Variants in PDE1C observed in about 807,000 individuals in gnomAD.
PDE1C encodes phosphodiesterase 1C.
A neutral mutation model predicts 93.1 loss-of-function variants in PDE1C; 62 were observed. The observed-to-expected ratio is 0.67, with a 90% CI of 0.54 to 0.82. The LOEUF (loss-of-function observed/expected upper bound fraction) is 0.82, where lower values mean the gene tolerates loss of function less well. Among genes scored for constraint, PDE1C ranks in the 40% least tolerant of loss-of-function variants. The probability of loss-of-function intolerance (pLI) is 0.00; values close to 1 mark genes in which losing one functional copy is unlikely to be tolerated. For synonymous variants in PDE1C, 325 were observed against 310.1 expected, an observed-to-expected ratio of 1.05 and a Z score of -0.50; for missense variants, 742 against 884.6, an observed-to-expected ratio of 0.84 and a Z score of 2.04.
At chr7:32,216,187 G>A (rs1037610303) in intron 1 of PDE1C, among the ~76,000 whole-genome samples, 3 of 152,136 alleles carry the variant, frequency 2.0e-5, no homozygotes, top group Non-Finnish European at 4.4e-5. Context: ...AGGAGACTTG[G>A]TGCAAAATCA....
At chr7:32,098,473 A>G (rs1020412333) in intron 3 of PDE1C, among the ~76,000 whole-genome samples, 1 of 152,138 alleles carries the variant, frequency 6.6e-6, no homozygotes, top group Non-Finnish European at 1.5e-5. Context: ...ATCCCTGCTC[A>G]TGGATTTTAT....
In PDE1C at chr7:31,941,951, G is replaced by A. The variant is rs575907250; in HGVS notation, c.129-61091C>T. Among the ~76,000 whole-genome samples the A allele has an allele frequency of 2.0e-5, 3 of 152,280 alleles. No homozygotes were observed. The East Asian group carries it at 5.8e-4, about 29-fold the overall frequency. ...TTGATTCAATTATACAATAAATACT[G>A]TAGGGATATTTTTAAGCAAAAGATG... On this transcript the variant is annotated intron_variant, in intron 2 of 17. Coordinates refer to ENST00000396191, the MANE Select transcript of PDE1C (RefSeq NM_001191057.4).
chr7:31,812,689 T>C (rs1787703561), intron 15 of PDE1C, among the ~76,000 whole-genome samples: 1 of 152,186 alleles, frequency 6.6e-6, no homozygotes, highest in Non-Finnish European at 1.5e-5. Flanking sequence ...GTAGTTGCAA[T>C]AGAGACCTTA....
intron 2 of PDE1C, among the ~76,000 whole-genome samples, chr7:32,025,096 G>T (rs906268531): frequency 1.3e-5 from 2 of 152,054 alleles, no homozygotes; most frequent in Admixed American, 6.6e-5. Context: ...CCTTCATGCC[G>T]ACCCCCAGGG....
the PDE1C span, among the ~76,000 whole-genome samples, chr7:31,710,949 T>C: frequency 6.6e-6 from 1 of 152,198 alleles, no homozygotes; most frequent in Non-Finnish European, 1.5e-5. Context: ...CAATGTGTTA[T>C]TTGAAATGAG....
chr7:32,095,792 A>G (rs1428298319), intron 3 of PDE1C, among the ~76,000 whole-genome samples: 1 of 152,170 alleles, frequency 6.6e-6, no homozygotes, highest in Admixed American at 6.5e-5. Context: ...CGATGTGAAT[A>G]TACTGTCCAG....
the PDE1C span, among the ~76,000 whole-genome samples, chr7:31,687,912 T>C: frequency 6.6e-6 from 1 of 152,220 alleles, no homozygotes; most frequent in Non-Finnish European, 1.5e-5. Flanking sequence ...GAATACCGTA[T>C]GGTAAGCTAA....
At chr7:31,942,357 A>T (rs1805971962) in intron 2 of PDE1C, among the ~76,000 whole-genome samples, 1 of 152,142 alleles carries the variant, frequency 6.6e-6, no homozygotes, top group South Asian at 2.1e-4. Context: ...GCCTTTTATC[A>T]TCACTCAGCT....
intron 2 of PDE1C, among the ~76,000 whole-genome samples, chr7:32,022,324 A>C (rs1241461877): frequency 6.6e-6 from 1 of 152,148 alleles, no homozygotes; most frequent in African/African-American, 2.4e-5. Context: ...GAAAGTATTA[A>C]AGGGCCACAG....
chr7:31,739,170 G>A, the PDE1C span, among the ~76,000 whole-genome samples: 14 of 150,136 alleles, frequency 9.3e-5, no homozygotes, highest in East Asian at 4.0e-4. Flanking sequence ...TCACTAAAAC[G>A]TCAGTGATTG....
intron 3 of PDE1C, among the ~76,000 whole-genome samples, chr7:32,085,923 A>G (rs1797042015): frequency 6.7e-6 from 1 of 148,812 alleles, no homozygotes; most frequent in Admixed American, 6.7e-5. Flanking sequence ...AACTGGAAGC[A>G]TTCCCTTTGA....
At position 32,298,015 on chromosome 7, in the gene PDE1C, TC is replaced by T. The variant is rs1562660311; in HGVS notation, c.85+635del. Among the ~76,000 whole-genome samples, 81 of 26,942 alleles carry T rather than the reference TC, an allele frequency of 3.0e-3. 7 individuals are homozygous for T. Among genetic ancestry groups the T allele is most frequent in the South Asian group, 0.027 (13 of 486 alleles). The allele number at this position is 26,942 out of a possible 152,430, so 17.7% of individuals were successfully genotyped here. ...TCTCTCTCCTCTCTCTCTCTCTCTC[TC>T]CCTCTCTCTCTCTCTCTCTCTCTCT... is the stretch of plus-strand genomic sequence containing the variant. On this transcript the variant is annotated intron_variant, in intron 1 of 18. Transcript: ENST00000396193.
chr7:32,337,927 T>A (rs936434402), intron 1 of PDE1C, among the ~76,000 whole-genome samples: 1 of 152,102 alleles, frequency 6.6e-6, no homozygotes, highest in Non-Finnish European at 1.5e-5. Context: ...GATATTCACA[T>A]GAAAACACAT....
At chr7:32,109,396 T>A (rs182523733) in intron 3 of PDE1C, among the ~76,000 whole-genome samples, 2 of 152,268 alleles carry the variant, frequency 1.3e-5, no homozygotes, top group African/African-American at 4.8e-5. Context: ...TCCAACTTTG[T>A]TTTTTTAAAA....
chr7:32,239,784 C>G (rs559148510), intron 1 of PDE1C, among the ~76,000 whole-genome samples: 1 of 152,314 alleles, frequency 6.6e-6, no homozygotes, highest in East Asian at 1.9e-4. Context: ...GAACCATTCA[C>G]AAACATTTAG....
chr7:32,159,925 A>T (rs1801808911), intron 3 of PDE1C, among the ~76,000 whole-genome samples: 1 of 152,134 alleles, frequency 6.6e-6, no homozygotes. Flanking sequence ...TCCTGAAGCC[A>T]AATCTCAGAA....
intron 3 of PDE1C, chr7:32,077,783 C>G (rs905445926): frequency 1.3e-6 from 1 of 787,958 alleles, no homozygotes; most frequent in African/African-American, 1.9e-5. Context: ...CTTGGCCAGG[C>G]TGGTCTTTAA....
At chr7:32,164,740 G>T (rs1802122315) in intron 3 of PDE1C, among the ~76,000 whole-genome samples, 2 of 152,106 alleles carry the variant, frequency 1.3e-5, no homozygotes, top group African/African-American at 4.8e-5. Context: ...TCTGAGCCAG[G>T]TCCCTCCCAC....
intron 16 of PDE1C, among the ~76,000 whole-genome samples, chr7:31,792,700 G>A (rs1230839379): frequency 6.6e-6 from 1 of 151,954 alleles, no homozygotes; most frequent in Non-Finnish European, 1.5e-5. Context: ...TTGTGTTCTG[G>A]TTTTATGTAT....
Sources: allele counts gnomAD v4.1 joint callset (sites outside exome capture counted in the v4.1 genomes callset), GRCh38; gene constraint gnomAD v4.1.1; transcripts MANE v1.5; gene names NCBI Gene and HGNC (gene_info 2026-07-23, HGNC 2026-07-21).